SSBP2: variants seen among roughly 807,000 people sequenced by gnomAD.
SSBP2 encodes the protein single stranded DNA binding protein 2.
A neutral mutation model predicts 61.8 loss-of-function variants in SSBP2; 17 were observed. That is an observed-to-expected ratio of 0.28 (90% CI 0.19 to 0.41). The LOEUF (loss-of-function observed/expected upper bound fraction) is 0.41. SSBP2 is among the 10% of genes least tolerant of loss of function. The pLI is 1.00. For synonymous variants in SSBP2, 139 were observed against 141.3 expected (o/e 0.98, Z 0.12); for missense variants, 310 against 458.7 (o/e 0.68, Z 2.96).
intron 6 of SSBP2, among the ~76,000 whole-genome samples, chr5:81,474,787 T>C (rs1765478760): frequency 1.3e-5 from 2 of 152,130 alleles, no homozygotes; most frequent in African/African-American, 4.8e-5. Context: ...TTGTGACAAA[T>C]AAAATAAGTA....
chr5:81,580,235 C>T (rs999849968), intron 4 of SSBP2, among the ~76,000 whole-genome samples: 2 of 152,030 alleles, frequency 1.3e-5, no homozygotes, highest in African/African-American at 4.8e-5. Flanking sequence ...AAATTATTAA[C>T]TACTGTTCAA....
chr5:81,450,211 T>C (rs1488404935), intron 10 of SSBP2, among the ~76,000 whole-genome samples: 1 of 152,150 alleles, frequency 6.6e-6, no homozygotes, highest in East Asian at 1.9e-4. Flanking sequence ...TTTGTAGAGA[T>C]GGAGTTTTTC....
chr5:81,737,724 C>A lies in SSBP2; in HGVS notation c.62+13257G>T, dbSNP rs557078115. ...AATGGCATGAACCCGGGAGACAGAC[C>A]TTGCAGTGAGCCGAGATTGCTCCAC... On this transcript the variant is annotated intron_variant, in intron 1 of 16. Transcript: ENST00000320672. Among the ~76,000 whole-genome samples the A allele has an allele frequency of 7.4e-5, 11 of 147,782 alleles. No homozygotes were observed. In the East Asian group the frequency reaches 1.4e-3, roughly 18 times the overall value.
intron 1 of SSBP2, among the ~76,000 whole-genome samples, chr5:81,730,767 A>G (rs571546232): frequency 2.0e-5 from 3 of 152,228 alleles, no homozygotes; most frequent in Admixed American, 6.5e-5. Context: ...GCTCAGTCCA[A>G]ACTAAAGTAG....
intron 1 of SSBP2, among the ~76,000 whole-genome samples, chr5:81,705,220 G>C (rs1337649701): frequency 2.0e-5 from 3 of 152,004 alleles, no homozygotes; most frequent in Non-Finnish European, 4.4e-5. Context: ...ATAGGGGAGA[G>C]GAAAACACTT....
chr5:81,668,284 GAAA>G (rs952846554), intron 1 of SSBP2, among the ~76,000 whole-genome samples: 10 of 122,700 alleles, frequency 8.1e-5, no homozygotes, highest in Non-Finnish European at 1.2e-4. Flanking sequence ...CAGGAAAAAG[GAAA>G]AAAAGTTTTT....
At chr5:81,433,267 A>G (rs1762452516) in intron 15 of SSBP2, among the ~76,000 whole-genome samples, 1 of 152,090 alleles carries the variant, frequency 6.6e-6, no homozygotes, top group African/African-American at 2.4e-5. Context: ...ATACTAAGAA[A>G]AATTCTTCTG....
chr5:81,455,155 T>A (rs1422289417), intron 10 of SSBP2, among the ~76,000 whole-genome samples: 1 of 145,832 alleles, frequency 6.9e-6, no homozygotes, highest in Non-Finnish European at 1.5e-5. Context: ...TATTTCAAAT[T>A]TAACGTTCAA....
intron 12 of SSBP2, among the ~76,000 whole-genome samples, chr5:81,445,702 G>T (rs1336394741): frequency 6.6e-6 from 1 of 152,078 alleles, no homozygotes; most frequent in East Asian, 1.9e-4. Flanking sequence ...TATGATCAAT[G>T]ATACTGAATT....
Position 81,563,501 on chromosome 5 carries a change from C to G in SSBP2, c.283-49784G>C, listed in dbSNP as rs142974060. 2.8e-3 allele frequency among the ~76,000 whole-genome samples: 423 copies of G among 152,212 alleles called. 1 individual carries two copies. The highest frequency in any genetic ancestry group is 7.9e-3 in the African/African-American group (327 of 41,542). The stretch of plus-strand genomic sequence containing the variant: ...AAGACATTGATAAATGAAACTTCAT[C>G]AAAAGTAAAAACTTCTGCTCTTTAA... On this transcript the variant is annotated intron_variant, in intron 4 of 16. Transcript: ENST00000320672.
At chr5:81,663,656 A>G (rs1750881748) in intron 1 of SSBP2, among the ~76,000 whole-genome samples, 1 of 150,946 alleles carries the variant, frequency 6.6e-6, no homozygotes, top group Non-Finnish European at 1.5e-5. Context: ...TGAGAAATCT[A>G]ACTATCAATA....
chr5:81,463,234 T>C (rs114930839), intron 9 of SSBP2, among the ~76,000 whole-genome samples: 245 of 152,316 alleles, frequency 1.6e-3, no homozygotes, highest in African/African-American at 5.6e-3. Flanking sequence ...GTGAGGGTTA[T>C]AGTAGGGAGT....
chr5:81,450,847 C>CCT (rs1763720392), intron 10 of SSBP2, among the ~76,000 whole-genome samples: 2 of 152,270 alleles, frequency 1.3e-5, no homozygotes, highest in South Asian at 4.1e-4. Flanking sequence ...CTTTGATCAC[C>CCT]CTCTAGCCAG....
intron 4 of SSBP2, among the ~76,000 whole-genome samples, chr5:81,592,936 C>T (rs565585965): frequency 6.6e-5 from 10 of 152,288 alleles, no homozygotes; most frequent in African/African-American, 2.2e-4. Flanking sequence ...CAGAGCGCCT[C>T]TCCTCCTCCA....
rs201274486 is a variant in SSBP2 at position 81,658,574 on chromosome 5, TTTTA to T, written c.63-8239_63-8236del. Among the ~76,000 whole-genome samples the T allele has an allele frequency of 6.1e-3, 923 of 152,338 alleles. 8 individuals are homozygous for T. Among genetic ancestry groups the T allele is most frequent in the African/African-American group, 0.022 (894 of 41,572 alleles). On this transcript the variant is annotated intron_variant, in intron 1 of 16. Transcript: ENST00000320672. ...ATGTTGTATTATTTTTTATTGTTGA[TTTTA>T]TTTTTTTCCAAATATTTTTTATCCT...
At chr5:81,539,988 C>T (rs1006981170) in intron 4 of SSBP2, among the ~76,000 whole-genome samples, 4 of 152,058 alleles carry the variant, frequency 2.6e-5, no homozygotes, top group African/African-American at 9.7e-5. Context: ...TGAGAACATG[C>T]AGTGTTTGGT....
At chr5:81,695,795 A>AT (rs1753561335) in intron 1 of SSBP2, among the ~76,000 whole-genome samples, 2 of 152,008 alleles carry the variant, frequency 1.3e-5, no homozygotes, top group South Asian at 4.2e-4. Flanking sequence ...TAATTAGTGG[A>AT]TTTTATTTAA....
chr5:81,579,502 T>C (rs954506009), intron 4 of SSBP2, among the ~76,000 whole-genome samples: 5 of 151,962 alleles, frequency 3.3e-5, no homozygotes, highest in Non-Finnish European at 7.4e-5. Context: ...AAAGGACAGA[T>C]CACATCACCA....
At chr5:81,717,570 T>C (rs1755245504) in intron 1 of SSBP2, among the ~76,000 whole-genome samples, 1 of 152,144 alleles carries the variant, frequency 6.6e-6, no homozygotes, top group African/African-American at 2.4e-5. Flanking sequence ...GGATCAAATA[T>C]ATGACATTTA....
Sources: allele counts gnomAD v4.1 joint callset (sites outside exome capture counted in the v4.1 genomes callset), GRCh38; gene constraint gnomAD v4.1.1; transcripts MANE v1.5; gene names NCBI Gene and HGNC (gene_info 2026-07-23, HGNC 2026-07-21).